The following SOD2 variants were observed in gnomAD, a reference collection of about 807,000 sequenced individuals.
SOD2 encodes superoxide dismutase 2.
A neutral mutation model predicts 27.0 loss-of-function variants in SOD2; 11 were observed. That is an observed-to-expected ratio of 0.41 (90% CI 0.26 to 0.67). SOD2 has a LOEUF of 0.67. Ranked by LOEUF, SOD2 falls within the 30% of genes least tolerant of loss-of-function variation. The pLI, the probability that SOD2 is intolerant of heterozygous loss-of-function variation, is 0.34. For synonymous variants in SOD2, 105 were observed against 103.0 expected (o/e 1.02, Z -0.12); for missense variants, 250 against 274.5 (o/e 0.91, Z 0.63).
intron 3 of SOD2, among the ~76,000 whole-genome samples, chr6:159,687,390 C>T (rs5746116): frequency 0.02 from 2,967 of 151,882 alleles, 41 homozygotes; most frequent in Middle Eastern, 0.044. Flanking sequence ...GTGGCTGAGA[C>T]ACAAGAATTG....
intron 1 of SOD2, among the ~76,000 whole-genome samples, chr6:159,722,720 A>T (rs1446124830): frequency 6.6e-6 from 1 of 152,168 alleles, no homozygotes; most frequent in Non-Finnish European, 1.5e-5. Context: ...CAGAATTCTG[A>T]CCCATTACCT....
rs139336939 is a variant in SOD2 at position 159,692,836 on chromosome 6, C to T, written c.51G>A (p.Leu17=). The part of the protein sequence containing the change: ...CGTSRQLAPV[L]GYLGSRQKHS... ...GCTTCTGCCTGGAGCCCAGATACCC[C>T]AAAACCGGAGCCAGCTGCCTGCTGG... Residue 17 remains leucine (L), a synonymous_variant, in exon 2 of 5, where the codon TTG becomes TTA. Coordinates refer to ENST00000538183, the MANE Select transcript of SOD2 (RefSeq NM_000636.4). 2 of 1,612,718 alleles carry T rather than the reference C, an allele frequency of 1.2e-6. No homozygotes were observed. The highest frequency in any genetic ancestry group is 2.7e-5 in the African/African-American group (2 of 74,910).
At chr6:159,718,488 TA>T (rs944305686) in intron 1 of SOD2, among the ~76,000 whole-genome samples, 17 of 152,034 alleles carry the variant, frequency 1.1e-4, no homozygotes, top group Non-Finnish European at 2.1e-4. Context: ...AATTATTTTT[TA>T]AAAAAAACTT....
At chr6:159,755,546 G>C (rs1779970999) in intron 1 of SOD2, 1 of 1,614,036 alleles carries the variant, frequency 6.2e-7, no homozygotes, top group African/African-American at 1.3e-5. Context: ...TAATCGAACT[G>C]TGGGTTCCCG....
Position 159,684,761 on chromosome 6 carries a change from G to A in SOD2, c.523+93C>T, listed in dbSNP as rs1780107466. On this transcript the variant is annotated intron_variant, in intron 4 of 4. Transcript: ENST00000538183. Reference sequence around the variant, plus strand: ...TGTTAAGATTTGCAAATTATTACATGTTCTTAAAACACTGTTAGTTTTCCT... The same window carrying A: ...TGTTAAGATTTGCAAATTATTACATATTCTTAAAACACTGTTAGTTTTCCT... The A allele has an allele frequency of 6.9e-6, 7 of 1,008,238 alleles. No homozygotes were observed. The East Asian group carries it at 1.6e-4, about 23-fold the overall frequency. 62.5% of individuals were successfully genotyped at this position (1,008,238 alleles called of 1,614,324 possible).
chr6:159,728,427 A>AAC (rs200285615), upstream of SOD2, among the ~76,000 whole-genome samples: 10,626 of 142,552 alleles, frequency 0.075, 762 homozygotes, highest in African/African-American at 0.19. Context: ...AAACAAAACA[A>AAC]AACAAAAAAA....
At chr6:159,724,320 C>G (rs1377795821) in intron 1 of SOD2, among the ~76,000 whole-genome samples, 2 of 152,130 alleles carry the variant, frequency 1.3e-5, no homozygotes, top group Non-Finnish European at 1.5e-5. Flanking sequence ...GTGTTTGTAT[C>G]TCATTCTCTC....
intron 1 of SOD2, chr6:159,753,286 A>C (rs759360136): frequency 2.5e-5 from 24 of 964,112 alleles, no homozygotes; most frequent in Middle Eastern, 2.7e-4. Flanking sequence ...TGTGTTGGCA[A>C]AATACTGAAA....
At position 159,679,276 on chromosome 6, in the gene SOD2, T is replaced by C. The variant is rs1253571393; in HGVS notation, c.*3217A>G. ...ACATCTTAGAAGACAGGACATTATC[T>C]TGCTGGGATCATTAGGGTATGACTG... On this transcript the variant is annotated 3_prime_UTR_variant, in exon 5 of 5. Coordinates refer to ENST00000538183, the MANE Select transcript of SOD2 (RefSeq NM_000636.4). 1 of 152,240 alleles carries C rather than the reference T, an allele frequency of 6.6e-6. No individual in the cohort carries two copies. Among genetic ancestry groups the C allele is most frequent in the African/African-American group, 2.4e-5 (1 of 41,470 alleles). 9.4% of individuals were successfully genotyped at this position (152,240 alleles called of 1,614,324 possible).
upstream of SOD2, chr6:159,748,354 A>G (rs1469102897): frequency 6.2e-7 from 1 of 1,613,554 alleles, no homozygotes; most frequent in African/African-American, 1.3e-5. The surrounding 1 kb of genome is among the most constrained non-coding windows in gnomAD (Gnocchi z 5.6). Context: ...AGTGCCTGGA[A>G]GTTTACGCCT....
intron 1 of SOD2, among the ~76,000 whole-genome samples, chr6:159,739,200 A>T (rs1036905675): frequency 2.0e-5 from 3 of 152,206 alleles, no homozygotes; most frequent in African/African-American, 7.2e-5. Context: ...CCTATTTCTT[A>T]TATTAACACC....
upstream of SOD2, chr6:159,748,165 G>C (rs372979089): frequency 7.5e-6 from 12 of 1,600,836 alleles, no homozygotes; most frequent in Middle Eastern, 1.5e-3. The surrounding 1 kb of genome is among the most constrained non-coding windows in gnomAD (Gnocchi z 5.6). Context: ...TGATTTGGTC[G>C]TAATTGTTTC....
chr6:159,699,344 T>A (rs1409353424), intron 1 of SOD2, among the ~76,000 whole-genome samples: 1 of 152,204 alleles, frequency 6.6e-6, no homozygotes, highest in East Asian at 1.9e-4. Flanking sequence ...CCCAGCTTCC[T>A]GGAGTTTCCC....
At chr6:159,697,256 C>G (rs1777439660), upstream of SOD2, among the ~76,000 whole-genome samples, 1 of 152,048 alleles carries the variant, frequency 6.6e-6, no homozygotes. Flanking sequence ...TCTTGTTTTT[C>G]TTTCTTCCTG....
intron 1 of SOD2, among the ~76,000 whole-genome samples, chr6:159,708,094 A>C (rs1423138440): frequency 6.6e-6 from 1 of 152,192 alleles, no homozygotes; most frequent in Non-Finnish European, 1.5e-5. Flanking sequence ...ACTCTCAATA[A>C]ATTAGGTATT....
At chr6:159,729,100 T>C (rs1310054370), upstream of SOD2, among the ~76,000 whole-genome samples, 2 of 152,228 alleles carry the variant, frequency 1.3e-5, no homozygotes, top group Admixed American at 6.5e-5. Flanking sequence ...AGCCCTGTGA[T>C]GTGGAGATGA....
chr6:159,746,451 AT>A (rs1779578499), upstream of SOD2, among the ~76,000 whole-genome samples: 1 of 152,216 alleles, frequency 6.6e-6, no homozygotes, highest in Non-Finnish European at 1.5e-5. Context: ...CTTAGAAAAA[AT>A]AAAATATACA....
At chr6:159,734,202 CAG>C (rs978566130) in intron 1 of SOD2, among the ~76,000 whole-genome samples, 1 of 151,852 alleles carries the variant, frequency 6.6e-6, no homozygotes, top group African/African-American at 2.4e-5. Flanking sequence ...TAATGAGAGA[CAG>C]GGTCTTACCA....
rs990074827 is a variant in SOD2, at chr6:159,672,350, G to T, written c.*10143C>A. ...TTAAGGGCAGCCAGAGAGAAAGGTC[G>T]GGTTACCCACAAAGGGAAGCCCATC... On this transcript the variant is annotated 3_prime_UTR_variant, in exon 5 of 5. Transcript: ENST00000538183. The T allele has an allele frequency of 2.6e-5, 4 of 152,086 alleles. No individual in the cohort carries two copies. The highest frequency in any genetic ancestry group is 2.6e-4 in the Admixed American group (4 of 15,266). The allele number at this position is 152,086 out of a possible 1,614,324, so 9.4% of individuals were successfully genotyped here.
Sources: gnomAD v4.1 joint callset for allele counts (sites outside exome capture counted in the v4.1 genomes callset) on GRCh38, gnomAD v4.1.1 for gene constraint, Gnocchi (gnomAD v3.1) non-coding constraint, MANE v1.5 for transcripts, NCBI Gene and HGNC (gene_info 2026-07-23, HGNC 2026-07-21) for gene names.